Variants in WDFY4 observed in about 807,000 individuals in gnomAD.
WDFY4 encodes the protein WDFY family member 4, also known as WD repeat- and FYVE domain-containing protein 4.
WDFY4 carries 169 observed loss-of-function variants against 351.9 expected under a neutral mutation model. The ratio of observed to expected loss-of-function variants is 0.48; its 90% confidence interval spans 0.42 to 0.55. WDFY4 has a LOEUF of 0.55. Among genes scored for constraint, WDFY4 ranks in the 20% least tolerant of loss-of-function variants. The probability of loss-of-function intolerance (pLI) is 0.00; values close to 1 mark genes in which losing one functional copy is unlikely to be tolerated. For missense variants in WDFY4, 3,803 were observed against 3,935.6 expected (o/e 0.97, Z 0.90); for synonymous variants, 1,622 against 1,574.6 (o/e 1.03, Z -0.71).
intron 1 of WDFY4, among the ~76,000 whole-genome samples, chr10:48,709,017 C>CTT (rs2063706470): frequency 6.6e-6 from 1 of 151,136 alleles, no homozygotes; most frequent in Non-Finnish European, 1.5e-5. Flanking sequence ...ACCCCCCCCC[C>CTT]CCAAACAGGC....
intron 39 of WDFY4, among the ~76,000 whole-genome samples, chr10:48,840,425 TACACACACACAC>T (rs10637501): frequency 6.9e-6 from 1 of 145,634 alleles, no homozygotes; most frequent in African/African-American, 2.5e-5. Flanking sequence ...CACATACACA[TACACACACACAC>T]ACACACACAC....
intron 47 of WDFY4, among the ~76,000 whole-genome samples, chr10:48,927,442 T>G (rs751900785): frequency 6.6e-6 from 1 of 152,198 alleles, no homozygotes; most frequent in African/African-American, 2.4e-5. Flanking sequence ...AGCACTTCTG[T>G]GGGATGCGTT....
At chr10:48,840,419 TACAC>T (rs2068556780) in intron 39 of WDFY4, among the ~76,000 whole-genome samples, 1 of 113,346 alleles carries the variant, frequency 8.8e-6, no homozygotes, top group Non-Finnish European at 1.8e-5. Flanking sequence ...CACACACACA[TACAC>T]ATACACACAC....
At chr10:48,686,868 T>C (rs899830506) in intron 1 of WDFY4, among the ~76,000 whole-genome samples, 9 of 152,200 alleles carry the variant, frequency 5.9e-5, no homozygotes, top group African/African-American at 2.2e-4. Context: ...AGAATTTATC[T>C]TGGGTATATA....
At chr10:48,972,561 G>C (rs1842383109) in intron 57 of WDFY4, among the ~76,000 whole-genome samples, 1 of 151,970 alleles carries the variant, frequency 6.6e-6, no homozygotes, top group Non-Finnish European at 1.5e-5. Flanking sequence ...CGATTGTTTT[G>C]TTATGTCAGT....
At chr10:48,943,631 C>T (rs947646710) in intron 49 of WDFY4, among the ~76,000 whole-genome samples, 182 bp downstream of exon 49, 15 of 151,796 alleles carry the variant, frequency 9.9e-5, no homozygotes, top group Admixed American at 4.6e-4. Context: ...CTTACTTCAT[C>T]GCCCAGGCTG....
At chr10:48,768,919 C>T (rs1255158267) in intron 13 of WDFY4, among the ~76,000 whole-genome samples, 3 of 152,070 alleles carry the variant, frequency 2.0e-5, no homozygotes, top group Non-Finnish European at 4.4e-5. Flanking sequence ...CAGCTTCAGG[C>T]ATTACTGGAA....
intron 1 of WDFY4, among the ~76,000 whole-genome samples, chr10:48,685,555 T>A (rs1247510239): frequency 2.0e-5 from 3 of 152,192 alleles, no homozygotes; most frequent in African/African-American, 7.2e-5. Context: ...CTCCCTGGGC[T>A]CACTTCCCTC....
Position 48,729,604 on chromosome 10 carries a change from T to C in WDFY4, c.1129+15T>C, listed in dbSNP as rs1429797431. ...TGAGGCATCTGGTGAGTCTTTCCTG[T>C]GTCTGGGTGACCGGAAGAGTCAGTG... On this transcript the variant is annotated intron_variant, in intron 8 of 61. Transcript: ENST00000325239. 6.4e-7 allele frequency: 1 copy of C among 1,551,194 alleles called. No individual in the cohort carries two copies. The highest frequency in any genetic ancestry group is 1.4e-5 in the African/African-American group (1 of 73,044).
chr10:48,917,602 T>C (rs1838669381), intron 47 of WDFY4, among the ~76,000 whole-genome samples: 1 of 152,186 alleles, frequency 6.6e-6, no homozygotes, highest in South Asian at 2.1e-4. Context: ...ATTTTTAAAG[T>C]GCTGAAAGAA....
Position 48,820,236 on chromosome 10 carries a change from G to A in WDFY4, c.5508G>A (p.Gly1836=), listed in dbSNP as rs919780660. Residue 1836 remains glycine, a splice_region_variant and synonymous_variant, in exon 33 of 62, where the codon GGG becomes GGA. Transcript: ENST00000325239. ...IAAFPLGAQK[G]VGAESTRNTS... ...GTTGGGGTTCTCTTGTCTTTGAGGGGGTTGGGGCTGAGTCCACCCGGAACA... is the reference window on the plus strand; with the variant it reads ...GTTGGGGTTCTCTTGTCTTTGAGGGAGTTGGGGCTGAGTCCACCCGGAACA... The A allele has an allele frequency of 1.9e-6, 3 of 1,551,682 alleles. No homozygotes were observed. Among genetic ancestry groups the A allele is most frequent in the South Asian group, 1.2e-5 (1 of 84,056 alleles).
intron 57 of WDFY4, among the ~76,000 whole-genome samples, chr10:48,971,157 A>G (rs1190861147): frequency 6.6e-6 from 1 of 152,178 alleles, no homozygotes; most frequent in African/African-American, 2.4e-5. Flanking sequence ...AATCCAATTC[A>G]TTTCTGCATC....
chr10:48,704,157 G>A (rs931068523), intron 1 of WDFY4, among the ~76,000 whole-genome samples: 8 of 152,106 alleles, frequency 5.3e-5, no homozygotes, highest in African/African-American at 1.9e-4. Context: ...ATGCAGGAAG[G>A]GCAGAGAGGG....
chr10:48,836,509 T>C (rs1267943882), intron 39 of WDFY4, among the ~76,000 whole-genome samples: 5 of 152,220 alleles, frequency 3.3e-5, no homozygotes, highest in Non-Finnish European at 7.3e-5. Flanking sequence ...TTCCTTATCA[T>C]GTCAGCAGCT....
At chr10:48,849,521 C>A (rs1417920228) in intron 39 of WDFY4, among the ~76,000 whole-genome samples, 1 of 152,182 alleles carries the variant, frequency 6.6e-6, no homozygotes, top group African/African-American at 2.4e-5. Flanking sequence ...CTGTTGACAG[C>A]CAAGAGAGCC....
intron 39 of WDFY4, among the ~76,000 whole-genome samples, chr10:48,835,689 TAAATTTTTGA>T (rs2068363952): frequency 6.6e-6 from 1 of 152,210 alleles, no homozygotes; most frequent in Non-Finnish European, 1.5e-5. Context: ...ACTAGTGGGA[TAAATTTTTGA>T]GCCACCTACG....
chr10:48,877,288 C>T (rs149087185), intron 43 of WDFY4, 89 bp downstream of exon 43: 1 of 1,211,490 alleles, frequency 8.3e-7, no homozygotes, highest in African/African-American at 1.5e-5. Flanking sequence ...TCGCCACTTA[C>T]ATGGGGAATG....
intron 47 of WDFY4, among the ~76,000 whole-genome samples, chr10:48,931,302 T>C (rs537176938): frequency 5.1e-4 from 78 of 152,318 alleles, no homozygotes; most frequent in African/African-American, 1.7e-3. Flanking sequence ...CAGCCAGTGC[T>C]GTCCTAGGTC....
intron 5 of WDFY4, 49 bp from the exon 6 acceptor site, chr10:48,725,832 G>A (rs1300349455): frequency 3.3e-6 from 5 of 1,495,860 alleles, no homozygotes; most frequent in Non-Finnish European, 4.5e-6. Context: ...TCTGAGGAAG[G>A]AGACTTCCTA....
Sources: gnomAD v4.1 joint callset for allele counts (sites outside exome capture counted in the v4.1 genomes callset) on GRCh38, gnomAD v4.1.1 for gene constraint, MANE v1.5 for transcripts, NCBI Gene and HGNC (gene_info 2026-07-23, HGNC 2026-07-21) for gene names.